KLC1: variants seen among roughly 807,000 people sequenced by gnomAD.
The protein encoded by KLC1 is kinesin 2 60/70kDa.
KLC1 carries 30 observed loss-of-function variants against 84.2 expected under a neutral mutation model. The observed-to-expected ratio is 0.36, with a 90% CI of 0.27 to 0.48. The LOEUF (loss-of-function observed/expected upper bound fraction) is 0.48, where lower values mean the gene tolerates loss of function less well. Ranked by LOEUF, KLC1 falls within the 20% of genes least tolerant of loss-of-function variation. The pLI, the probability that KLC1 is intolerant of heterozygous loss-of-function variation, is 0.99. For missense variants in KLC1, 499 were observed against 805.4 expected, an observed-to-expected ratio of 0.62 and a Z score of 4.60; for synonymous variants, 289 against 293.3, an observed-to-expected ratio of 0.99 and a Z score of 0.15.
chr14:103,650,097 A>T (rs1428889724), intron 1 of KLC1, among the ~76,000 whole-genome samples: 2 of 151,660 alleles, frequency 1.3e-5, no homozygotes, highest in Non-Finnish European at 2.9e-5. Context: ...AAATAATGGA[A>T]CTTTAAATAG....
intron 14 of KLC1, among the ~76,000 whole-genome samples, chr14:103,689,233 C>T (rs2151837474): frequency 6.6e-6 from 1 of 152,224 alleles, no homozygotes; most frequent in East Asian, 1.9e-4. Context: ...GTGCAGAGTC[C>T]AGTTCTGGTG....
Position 103,673,125 on chromosome 14 carries a change from G to A in KLC1, c.1099G>A (p.Glu367Lys), listed in dbSNP as rs751562749. 3.7e-6 allele frequency: 6 copies of A among 1,613,924 alleles called. No individual in the cohort carries two copies. The highest frequency in any genetic ancestry group is 1.7e-5 in the Admixed American group (1 of 59,962). Residue 367 changes from glutamate to lysine, a missense_variant, in exon 8 of 17, where the codon GAG becomes AAG. Physicochemically the swap from Glu to Lys is moderately conservative, Grantham distance 56. Coordinates refer to ENST00000334553, the MANE Select transcript of KLC1 (RefSeq NM_001394837.1). The stretch of plus-strand genomic sequence containing the variant: ...AGAATATTATTATCAAAGAGCCCTC[G>A]AGATCTACCAGACAAAACTGGGACC... ...EVEYYYQRAL[E>K]IYQTKLGPDD...
chr14:103,694,508 C>T lies in KLC1; in HGVS notation c.1848+2083C>T. 1.0e-6 allele frequency: 1 copy of T among 985,470 alleles called. No individual in the cohort carries two copies. The highest frequency in any genetic ancestry group is 1.7e-5 in the African/African-American group (1 of 57,350). 61.0% of individuals were successfully genotyped at this position (985,470 alleles called of 1,614,324 possible). On this transcript the variant is annotated intron_variant, in intron 15 of 16. Coordinates refer to ENST00000334553, the MANE Select transcript of KLC1 (RefSeq NM_001394837.1). The surrounding 1 kb of genome is among the most constrained non-coding windows in gnomAD (Gnocchi z 4.5). ...AATGAGGGAGCACGGTGGACTCTGA[C>T]AGGAACCTTTTCAAATCAATGCTGA...
At chr14:103,665,686 C>T (rs911342622) in intron 5 of KLC1, among the ~76,000 whole-genome samples, 1 of 152,218 alleles carries the variant, frequency 6.6e-6, no homozygotes, top group Non-Finnish European at 1.5e-5. Context: ...GATCCACCCT[C>T]CTTGGCCTCC....
At chr14:103,679,288 G>GTTTTTTT in intron 12 of KLC1, 96 bp from the exon 13 acceptor site, 1 of 1,104,216 alleles carries the variant, frequency 9.1e-7, no homozygotes. Flanking sequence ...ATTAAGAACT[G>GTTTTTTT]TTTTTTTTTT....
chr14:103,698,651 G>A (rs773918094), intron 15 of KLC1: 8 of 741,222 alleles, frequency 1.1e-5, no homozygotes, highest in Middle Eastern at 3.8e-4. Context: ...CACCATCTTC[G>A]GATGAGAAAG....
At chr14:103,686,481 G>A (rs1391526652) in intron 13 of KLC1, 1 of 152,582 alleles carries the variant, frequency 6.6e-6, no homozygotes, top group East Asian at 1.9e-4. Flanking sequence ...TCCCTACAAG[G>A]TTGTCTGAGG....
chr14:103,685,444 C>T, intron 13 of KLC1: 2 of 1,206,966 alleles, frequency 1.7e-6, no homozygotes, highest in Non-Finnish European at 2.1e-6. Flanking sequence ...CTGTGAAATG[C>T]ACCATGAGGC....
intron 15 of KLC1, chr14:103,695,090 A>G: frequency 1.0e-6 from 1 of 985,320 alleles, no homozygotes; most frequent in East Asian, 1.1e-4. Flanking sequence ...TAAATGCTAC[A>G]TAGAGGTGTT....
At chr14:103,686,889 C>T (rs2081810233) in intron 13 of KLC1, 192 bp from the exon 14 acceptor site, 1 of 272,676 alleles carries the variant, frequency 3.7e-6, no homozygotes, top group African/African-American at 2.2e-5. Context: ...TTTAATGAAA[C>T]TTAAAAAGAA....
rs1423588453 is a variant in KLC1, at chr14:103,698,630, C to CA, written c.1849-2024dup. 1.8e-5 allele frequency: 12 copies of CA among 673,534 alleles called. No homozygotes were observed. The East Asian group carries it at 3.3e-4, about 18-fold the overall frequency. The allele number at this position is 673,534 out of a possible 1,614,324, so 41.7% of individuals were successfully genotyped here. A position where few individuals can be genotyped will look rare whatever the true frequency, so the allele number is the denominator to read the frequency against. ...ACATCCCCCCAGCTCAGATGGGGGT[C>CA]AGTCTGTGGCCACCATCTTCGGATG... On this transcript the variant is annotated intron_variant, in intron 15 of 16. Transcript: ENST00000334553.
chr14:103,657,654 C>T lies in KLC1; in HGVS notation c.370C>T (p.Leu124=). The change falls in exon 3 of 17, where the codon CTG becomes TTG. Residue 124 remains leucine (L), a synonymous_variant. Transcript: ENST00000334553. ...GGAGAATCAGTGGCTACGGGATGAA[C>T]TGGCCAACACGCAGCAGAAACTGCA... ...CQENQWLRDE[L]ANTQQKLQKS... 1 of 1,614,154 alleles carries T rather than the reference C, an allele frequency of 6.2e-7. No individual in the cohort carries two copies. Among genetic ancestry groups the T allele is most frequent in the South Asian group, 1.1e-5 (1 of 91,082 alleles).
intron 15 of KLC1, chr14:103,697,118 A>G (rs965735118): frequency 1.0e-6 from 1 of 985,368 alleles, no homozygotes; most frequent in Non-Finnish European, 1.2e-6. Flanking sequence ...GCTTATGTTC[A>G]ATTACAGAAA....
intron 1 of KLC1, among the ~76,000 whole-genome samples, chr14:103,647,615 C>A (rs577771666): frequency 6.6e-6 from 1 of 151,860 alleles, no homozygotes; most frequent in Non-Finnish European, 1.5e-5. Flanking sequence ...TGGTGGCTCA[C>A]GCCTGTAATC....
chr14:103,691,786 AAG>A (rs1169746796), intron 14 of KLC1, among the ~76,000 whole-genome samples: 3 of 150,908 alleles, frequency 2.0e-5, no homozygotes, highest in Non-Finnish European at 4.4e-5. Flanking sequence ...TTTTGTTTTA[AAG>A]AGAGACAGGG....
At chr14:103,649,708 T>G (rs1012484516) in intron 1 of KLC1, among the ~76,000 whole-genome samples, 1 of 151,658 alleles carries the variant, frequency 6.6e-6, no homozygotes, top group Non-Finnish European at 1.5e-5. Flanking sequence ...GTTTTTTTTT[T>G]TTTTCGAGAC....
intron 15 of KLC1, chr14:103,696,737 A>C (rs1211858325): frequency 2.0e-6 from 2 of 985,452 alleles, no homozygotes; most frequent in Non-Finnish European, 2.4e-6. Flanking sequence ...GAAGAACTTA[A>C]GCGGTTTTAG....
Position 103,629,357 on chromosome 14 carries a change from C to G in KLC1, c.-139C>G, listed in dbSNP as rs2076494391. The G allele has an allele frequency of 6.6e-6, 1 of 152,324 alleles. No homozygotes were observed. Among genetic ancestry groups the G allele is most frequent in the African/African-American group, 2.4e-5 (1 of 41,444 alleles). The allele number at this position is 152,324 out of a possible 1,614,324, so 9.4% of individuals were successfully genotyped here. On this transcript the variant is annotated 5_prime_UTR_variant, in exon 1 of 17. Transcript: ENST00000334553. ...GGATGCTGCGGGGCGGTAGCTCCGG[C>G]GCCCCTAGCTGGTGACTGCTGCGCC...
chr14:103,665,498 G>C (rs999906765), intron 5 of KLC1, among the ~76,000 whole-genome samples: 4 of 152,070 alleles, frequency 2.6e-5, no homozygotes, highest in African/African-American at 9.7e-5. Context: ...GCAGTGGAGT[G>C]ATCTCAGCTC....
Sources: allele counts gnomAD v4.1 joint callset (sites outside exome capture counted in the v4.1 genomes callset), GRCh38; gene constraint gnomAD v4.1.1; non-coding constraint Gnocchi (gnomAD v3.1); transcripts MANE v1.5; gene names NCBI Gene and HGNC (gene_info 2026-07-23, HGNC 2026-07-21).